The following KLRB1 variants were observed in gnomAD, a reference collection of about 807,000 sequenced individuals.
KLRB1 encodes the protein killer cell lectin-like receptor subfamily B member 1.
KLRB1 carries 27 observed loss-of-function variants against 33.5 expected under a neutral mutation model. The ratio of observed to expected loss-of-function variants is 0.81; its 90% CI spans 0.59 to 1.11. The LOEUF (loss-of-function observed/expected upper bound fraction) is 1.11. KLRB1 is among the 50% of genes most tolerant of loss of function. KLRB1 has a pLI of 0.00. For synonymous variants in KLRB1, 64 were observed against 88.9 expected, an observed-to-expected ratio of 0.72 and a Z score of 1.58; for missense variants, 241 against 254.1, an observed-to-expected ratio of 0.95 and a Z score of 0.35.
chr12:9,599,678 A>T, intron 3 of KLRB1, 89 bp downstream of exon 3: 1 of 845,340 alleles, frequency 1.2e-6, no homozygotes. Context: ...ATCTTAACAT[A>T]TGGATTGTTA....
chr12:9,597,397 A>G (rs1213186468), intron 5 of KLRB1, among the ~76,000 whole-genome samples: 1 of 127,348 alleles, frequency 7.9e-6, no homozygotes, highest in Non-Finnish European at 1.7e-5. Flanking sequence ...GAATTCTGCT[A>G]AAACATGAAA....
chr12:9,606,144 T>C (rs1408013749), intron 1 of KLRB1, among the ~76,000 whole-genome samples: 1 of 152,194 alleles, frequency 6.6e-6, no homozygotes, highest in African/African-American at 2.4e-5. Context: ...CTTAAAACTT[T>C]GAGAATTCAA....
intron 5 of KLRB1, among the ~76,000 whole-genome samples, chr12:9,595,802 G>A (rs766491788): frequency 9.8e-5 from 15 of 152,292 alleles, no homozygotes; most frequent in African/African-American, 3.4e-4. Flanking sequence ...TAATATTTAG[G>A]GGAGGCATGG....
chr12:9,603,928 A>T (rs1029066540), intron 1 of KLRB1, among the ~76,000 whole-genome samples: 1 of 152,022 alleles, frequency 6.6e-6, no homozygotes, highest in Non-Finnish European at 1.5e-5. Flanking sequence ...TTTGGAGAGG[A>T]TTATATGAAA....
intron 4 of KLRB1, 72 bp downstream of exon 4, chr12:9,598,427 C>CTAA (rs1167204199): frequency 6.3e-6 from 8 of 1,260,436 alleles, no homozygotes; most frequent in Non-Finnish European, 8.6e-6. Context: ...AACCCCTGGG[C>CTAA]TAATGCACAG....
chr12:9,598,985 A>G (rs1864516422), intron 3 of KLRB1, among the ~76,000 whole-genome samples: 1 of 152,212 alleles, frequency 6.6e-6, no homozygotes, highest in African/African-American at 2.4e-5. Flanking sequence ...CAGTCAGATG[A>G]AATATTTCCC....
At chr12:9,596,469 A>C (rs760993511) in intron 5 of KLRB1, among the ~76,000 whole-genome samples, 1 of 152,268 alleles carries the variant, frequency 6.6e-6, no homozygotes, top group South Asian at 2.1e-4. Flanking sequence ...TAGCTCTTGA[A>C]CATTGTCTCC....
In KLRB1 at chr12:9,595,156, C is replaced by T; in HGVS notation, c.*118G>A. The T allele has an allele frequency of 3.8e-6, 3 of 787,438 alleles. No individual in the cohort carries two copies. In the Admixed American group the frequency reaches 7.1e-5, roughly 19 times the overall value. The allele number at this position is 787,438 out of a possible 1,614,324, so 48.8% of individuals were successfully genotyped here. A position where few individuals can be genotyped will look rare whatever the true frequency, so the allele number is the denominator to read the frequency against. On this transcript the variant is annotated 3_prime_UTR_variant, in exon 6 of 6. Coordinates refer to ENST00000229402, the MANE Select transcript of KLRB1 (RefSeq NM_002258.3). Reference sequence around the variant, plus strand: ...AAGATTCATAACAGTTGTCAATTCTCAGAATTGTTCACTTTGTGCCACTAA... The same window carrying T: ...AAGATTCATAACAGTTGTCAATTCTTAGAATTGTTCACTTTGTGCCACTAA...
At chr12:9,607,712 T>C (rs1033029935) in intron 1 of KLRB1, 43 bp downstream of exon 1, 10 of 1,241,888 alleles carry the variant, frequency 8.1e-6, no homozygotes, top group African/African-American at 1.5e-5. Flanking sequence ...GATCTAATTC[T>C]GGAAGACATA....
chr12:9,600,765 GC>G (rs1273332267), intron 2 of KLRB1, among the ~76,000 whole-genome samples: 2 of 151,560 alleles, frequency 1.3e-5, no homozygotes, highest in African/African-American at 4.9e-5. Context: ...ACTGCGGAAG[GC>G]CGCAGGGACC....
At chr12:9,606,078 T>C (rs1043727286) in intron 1 of KLRB1, among the ~76,000 whole-genome samples, 1 of 152,176 alleles carries the variant, frequency 6.6e-6, no homozygotes, top group Non-Finnish European at 1.5e-5. Context: ...TTTCCTCTAC[T>C]CTTATGTGAA....
intron 5 of KLRB1, among the ~76,000 whole-genome samples, chr12:9,596,111 A>G (rs1000207497): frequency 6.6e-6 from 1 of 152,124 alleles, no homozygotes; most frequent in African/African-American, 2.4e-5. Flanking sequence ...GTTGAGTTGC[A>G]AGGACGGTGT....
At chr12:9,603,248 A>G (rs1296996448) in intron 1 of KLRB1, among the ~76,000 whole-genome samples, 2 of 152,152 alleles carry the variant, frequency 1.3e-5, no homozygotes, top group East Asian at 1.9e-4. Context: ...GAATGTCTAC[A>G]TGCAGTCAAT....
chr12:9,598,828 AG>A (rs1225959713), intron 3 of KLRB1, among the ~76,000 whole-genome samples, 175 bp from the exon 4 acceptor site: 1 of 152,216 alleles, frequency 6.6e-6, no homozygotes. Flanking sequence ...TGTTCATTCT[AG>A]TACCAAGAAT....
At chr12:9,606,763 T>TTTTTTTTTTTTTTTTTTTTTTTTTTTG (rs1565444272) in intron 1 of KLRB1, among the ~76,000 whole-genome samples, 1 of 99,506 alleles carries the variant, frequency 1.0e-5, no homozygotes, top group Non-Finnish European at 2.2e-5. Flanking sequence ...TATATATATT[T>TTTTTTTTTTTTTTTTTTTTTTTTTTTG]TTTTTTTTTT....
At chr12:9,607,351 TC>T (rs1565444607) in intron 1 of KLRB1, among the ~76,000 whole-genome samples, 1,381 of 82,070 alleles carry the variant, frequency 0.017, 80 homozygotes, top group African/African-American at 0.052. Flanking sequence ...TTTCTTTCTT[TC>T]TTCCTTTCTT....
chr12:9,607,753 AC>A lies in KLRB1; in HGVS notation c.85+1del. ...GCCGAAAGGAAAATTAAAGCCACTTACCCCGAGGAAGAGATGAAGGTGAAGA... is the reference window on the plus strand; with the variant it reads ...GCCGAAAGGAAAATTAAAGCCACTTACCCGAGGAAGAGATGAAGGTGAAGA... On this transcript the variant is annotated splice_donor_variant, in intron 1 of 5. Transcript: ENST00000229402. LOFTEE classifies it high-confidence loss of function. The A allele has an allele frequency of 3.1e-6, 5 of 1,604,034 alleles. No homozygotes were observed. The highest frequency in any genetic ancestry group is 4.3e-6 in the Non-Finnish European group (5 of 1,171,012).
intron 1 of KLRB1, among the ~76,000 whole-genome samples, chr12:9,607,355 C>CCTTTCTTTCTTTCTTTCTTT (rs1184053974): frequency 0.01 from 537 of 52,700 alleles, 16 homozygotes; most frequent in African/African-American, 0.022. Flanking sequence ...TTTCTTTCTT[C>CCTTTCTTTCTTTCTTTCTTT]CTTTCTTTCT....
intron 1 of KLRB1, among the ~76,000 whole-genome samples, chr12:9,603,987 A>G (rs778999658): frequency 6.6e-6 from 1 of 152,162 alleles, no homozygotes; most frequent in Non-Finnish European, 1.5e-5. Context: ...GTAACTGTTC[A>G]ATGAACAGCA....
Sources: allele counts gnomAD v4.1 joint callset (sites outside exome capture counted in the v4.1 genomes callset), GRCh38; gene constraint gnomAD v4.1.1; transcripts MANE v1.5; gene names NCBI Gene and HGNC (gene_info 2026-07-23, HGNC 2026-07-21).